RAB35: variants seen among roughly 807,000 people sequenced by gnomAD.
RAB35 encodes ras-related protein Rab-35.
Under a neutral mutation model 28.9 loss-of-function variants are expected in RAB35, and 4 were observed. The observed-to-expected ratio is 0.14, with a 90% CI of 0.07 to 0.32. The LOEUF is 0.32. Among genes scored for constraint, RAB35 ranks in the 10% least tolerant of loss-of-function variants. The probability of loss-of-function intolerance (pLI) is 1.00; values close to 1 mark genes in which losing one functional copy is unlikely to be tolerated. For missense variants in RAB35, 128 were observed against 274.0 expected, an observed-to-expected ratio of 0.47 and a Z score of 3.76; for synonymous variants, 99 against 105.1, an observed-to-expected ratio of 0.94 and a Z score of 0.35.
intron 2 of RAB35, among the ~76,000 whole-genome samples, chr12:120,104,166 C>G (rs1422035048): frequency 1.3e-5 from 2 of 152,082 alleles, no homozygotes; most frequent in Admixed American, 6.6e-5. Flanking sequence ...AGCAAACAAA[C>G]AAAGAGGACA....
intron 1 of RAB35, among the ~76,000 whole-genome samples, chr12:120,110,122 C>G (rs1176261776): frequency 2.0e-5 from 3 of 152,034 alleles, no homozygotes; most frequent in Admixed American, 2.0e-4. Flanking sequence ...ATACACATTG[C>G]TGGGAGTCTT....
At position 120,097,436 on chromosome 12, in the gene RAB35, A is replaced by C. The variant is rs1875468383; in HGVS notation, c.478-63T>G. The C allele has an allele frequency of 9.2e-6, 13 of 1,411,712 alleles. No individual in the cohort carries two copies. In the South Asian group the frequency reaches 1.7e-4, roughly 19 times the overall value. 87.4% of individuals were successfully genotyped at this position (1,411,712 alleles called of 1,614,324 possible). ...GGCCAGGAGGCCCCTGCTGGCCTGC[A>C]CGGCTGCCTCCCCGCCTTCCGGGGC... is the stretch of plus-strand genomic sequence containing the variant. On this transcript the variant is annotated intron_variant, in intron 5 of 5. Transcript: ENST00000229340.
In RAB35 at chr12:120,097,167, C is replaced by T. The variant is rs748778808; in HGVS notation, c.*78G>A. 1 of 1,613,122 alleles carries T rather than the reference C, an allele frequency of 6.2e-7. No homozygotes were observed. The highest frequency in any genetic ancestry group is 2.2e-5 in the East Asian group (1 of 44,832). ...TTTAAATAACGGCACGAAACTGAGA[C>T]TGTCCCCCGAGGAACCTCCGTGGGC... On this transcript the variant is annotated 3_prime_UTR_variant, in exon 6 of 6. Coordinates refer to ENST00000229340, the MANE Select transcript of RAB35 (RefSeq NM_006861.7).
chr12:120,108,905 G>A (rs1218986834), intron 1 of RAB35, among the ~76,000 whole-genome samples: 1 of 152,262 alleles, frequency 6.6e-6, no homozygotes, highest in Non-Finnish European at 1.5e-5. Flanking sequence ...GAGCTGTAGA[G>A]CGGGAAAGGA....
At chr12:120,116,267 T>C in intron 1 of RAB35, among the ~76,000 whole-genome samples, 1 of 152,134 alleles carries the variant, frequency 6.6e-6, no homozygotes, top group Non-Finnish European at 1.5e-5. Flanking sequence ...CGAAGCAACT[T>C]GCCCAAGGTC....
chr12:120,103,344 G>C lies in RAB35; in HGVS notation c.227+482C>G, dbSNP rs1875735914. Among the ~76,000 whole-genome samples, 1 of 152,194 alleles carries C rather than the reference G, an allele frequency of 6.6e-6. No individual in the cohort carries two copies. The highest frequency in any genetic ancestry group is 2.4e-5 in the African/African-American group (1 of 41,440). ...AGGGTAGGGAAGGGCCTGCTGACATGCACCGTGTTCGTCTCTAGACAGCGT... is the reference window on the plus strand; with the variant it reads ...AGGGTAGGGAAGGGCCTGCTGACATCCACCGTGTTCGTCTCTAGACAGCGT... On this transcript the variant is annotated intron_variant, in intron 3 of 5. Coordinates refer to ENST00000229340, the MANE Select transcript of RAB35 (RefSeq NM_006861.7). The surrounding 1 kb of genome is among the most constrained non-coding windows in gnomAD (Gnocchi z 6.1).
At position 120,097,376 on chromosome 12, in the gene RAB35, G is replaced by T; in HGVS notation, c.478-3C>A. On this transcript the variant is annotated splice_region_variant and splice_polypyrimidine_tract_variant and intron_variant, in intron 5 of 5. Transcript: ENST00000229340. ...AGCTCCGTGATGCAGTTGAACATCT[G>T]TGGAGAGGAAAGAGGAAGGGCCCGC... is the stretch of plus-strand genomic sequence containing the variant. 6.2e-7 allele frequency: 1 copy of T among 1,608,690 alleles called. No individual in the cohort carries two copies. Among genetic ancestry groups the T allele is most frequent in the Non-Finnish European group, 8.5e-7 (1 of 1,177,326 alleles).
chr12:120,111,297 GCT>G (rs1876107377), intron 1 of RAB35, among the ~76,000 whole-genome samples: 1 of 152,172 alleles, frequency 6.6e-6, no homozygotes, highest in African/African-American at 2.4e-5. Flanking sequence ...GTGTAAAACA[GCT>G]CTCTCTGCAA....
At chr12:120,111,158 G>A (rs866823339) in intron 1 of RAB35, among the ~76,000 whole-genome samples, 1 of 152,180 alleles carries the variant, frequency 6.6e-6, no homozygotes, top group South Asian at 2.1e-4. Context: ...CTAAACGAAC[G>A]CCCGCCACAC....
intron 2 of RAB35, 56 bp from the exon 3 acceptor site, chr12:120,104,005 C>T: frequency 1.3e-6 from 2 of 1,596,506 alleles, no homozygotes; most frequent in Non-Finnish European, 8.5e-7. Flanking sequence ...AGGCCCTGAG[C>T]CCCACGCTGC....
chr12:120,098,511 G>A (rs1875527340), intron 5 of RAB35, among the ~76,000 whole-genome samples: 1 of 152,260 alleles, frequency 6.6e-6, no homozygotes, highest in Admixed American at 6.5e-5. Context: ...AACTGTGCTT[G>A]GCTTTGGTGT....
At chr12:120,116,534 C>G (rs1876347435) in intron 1 of RAB35, 65 bp downstream of exon 1, 7 of 968,258 alleles carry the variant, frequency 7.2e-6, no homozygotes, top group Non-Finnish European at 8.6e-6. Flanking sequence ...CCGCCTGCCG[C>G]CCCGAGGCCC....
rs776804167 is a variant in RAB35, at chr12:120,097,186, C to T, written c.*59G>A. ...CTGAGACTGTCCCCCGAGGAACCTC[C>T]GTGGGCCTCGGGCTGGGGGAGGGAC... On this transcript the variant is annotated 3_prime_UTR_variant, in exon 6 of 6. Coordinates refer to ENST00000229340, the MANE Select transcript of RAB35 (RefSeq NM_006861.7). The T allele has an allele frequency of 7.7e-5, 124 of 1,613,300 alleles. No homozygotes were observed. The highest frequency in any genetic ancestry group is 9.2e-5 in the Non-Finnish European group (108 of 1,179,730).
intron 3 of RAB35, among the ~76,000 whole-genome samples, chr12:120,101,307 G>A (rs1875646804): frequency 6.6e-6 from 1 of 152,204 alleles, no homozygotes; most frequent in Non-Finnish European, 1.5e-5. Context: ...GTGAGGCTGA[G>A]TGCAGCGGCC....
At chr12:120,110,501 C>T (rs912130914) in intron 1 of RAB35, among the ~76,000 whole-genome samples, 1 of 151,940 alleles carries the variant, frequency 6.6e-6, no homozygotes, top group Admixed American at 6.6e-5. Flanking sequence ...GCAATCTGCC[C>T]GCTTCTGCCT....
chr12:120,104,025 AC>A (rs1295241555), intron 2 of RAB35, 76 bp from the exon 3 acceptor site: 15 of 1,553,652 alleles, frequency 9.7e-6, no homozygotes, highest in African/African-American at 2.7e-5. Context: ...CACACAACAC[AC>A]CCCCAGGCTC....
At chr12:120,107,823 C>T (rs572234751) in intron 2 of RAB35, among the ~76,000 whole-genome samples, 4 of 142,024 alleles carry the variant, frequency 2.8e-5, no homozygotes, top group East Asian at 4.3e-4. Context: ...GCCGAAATCG[C>T]GCCACTGCAC....
chr12:120,107,317 G>A (rs527768983), intron 2 of RAB35, among the ~76,000 whole-genome samples: 2 of 152,258 alleles, frequency 1.3e-5, no homozygotes, highest in East Asian at 1.9e-4. Flanking sequence ...ACAAAAATGT[G>A]TTCCATCTTA....
chr12:120,110,728 C>T (rs1350327318), intron 1 of RAB35, among the ~76,000 whole-genome samples: 5 of 152,180 alleles, frequency 3.3e-5, no homozygotes, highest in Admixed American at 6.5e-5. Flanking sequence ...GTGAGCTGCC[C>T]CACGATGCCC....
Sources: gnomAD v4.1 joint callset for allele counts (sites outside exome capture counted in the v4.1 genomes callset) on GRCh38, gnomAD v4.1.1 for gene constraint, Gnocchi (gnomAD v3.1) non-coding constraint, MANE v1.5 for transcripts, NCBI Gene and HGNC (gene_info 2026-07-23, HGNC 2026-07-21) for gene names.